Variants in PCDHGB7 observed in about 807,000 individuals in gnomAD.
PCDHGB7 encodes the protein protocadherin gamma subfamily B, 7.
Under a neutral mutation model 61.4 loss-of-function variants are expected in PCDHGB7, and 37 were observed. The observed-to-expected ratio is 0.60, with a 90% CI of 0.46 to 0.79. PCDHGB7 has a LOEUF of 0.79. Ranked by LOEUF, PCDHGB7 falls within the 30% of genes least tolerant of loss-of-function variation. The pLI, the probability that PCDHGB7 is intolerant of heterozygous loss-of-function variation, is 0.00. For missense variants in PCDHGB7, 1,166 were observed against 1,202.5 expected (o/e 0.97, Z 0.45); for synonymous variants, 464 against 503.5 (o/e 0.92, Z 1.05).
chr5:141,457,937 G>A (rs916509260), intron 1 of PCDHGB7, among the ~76,000 whole-genome samples: 1 of 152,166 alleles, frequency 6.6e-6, no homozygotes, highest in African/African-American at 2.4e-5. Flanking sequence ...GGCTTTTATT[G>A]GCTCTGCATG....
intron 2 of PCDHGB7, among the ~76,000 whole-genome samples, chr5:141,501,333 A>ACACACC (rs1186649373): frequency 1.5e-4 from 21 of 140,134 alleles, no homozygotes; most frequent in African/African-American, 3.4e-4. Flanking sequence ...ACACACACAC[A>ACACACC]CCCCAAACTC....
chr5:141,506,584 G>A (rs1413313164), intron 3 of PCDHGB7, among the ~76,000 whole-genome samples: 1 of 152,098 alleles, frequency 6.6e-6, no homozygotes, highest in African/African-American at 2.4e-5. Context: ...ACTATTAATG[G>A]GCACAGTATT....
At chr5:141,483,694 C>T (rs915328297) in intron 1 of PCDHGB7, among the ~76,000 whole-genome samples, 3 of 151,952 alleles carry the variant, frequency 2.0e-5, no homozygotes, top group African/African-American at 4.8e-5. Flanking sequence ...AGCCAGATTC[C>T]TCTTTTTGAC....
chr5:141,427,405 C>T (rs1209638263), intron 1 of PCDHGB7: 1 of 462,180 alleles, frequency 2.2e-6, no homozygotes, highest in East Asian at 6.8e-5. Context: ...GATAAAGATT[C>T]GAGAGAAAAT....
chr5:141,465,761 G>A (rs1040750106), intron 1 of PCDHGB7, among the ~76,000 whole-genome samples: 2 of 151,634 alleles, frequency 1.3e-5, no homozygotes, highest in African/African-American at 4.8e-5. Flanking sequence ...GTAAAGTCAT[G>A]TTTCATCTCT....
intron 1 of PCDHGB7, chr5:141,423,696 T>A: frequency 4.0e-6 from 6 of 1,492,822 alleles, no homozygotes; most frequent in Non-Finnish European, 5.3e-6. Flanking sequence ...ATTGTTGGTG[T>A]CTTGGCACAA....
chr5:141,456,715 A>G (rs2098881350), intron 1 of PCDHGB7, among the ~76,000 whole-genome samples: 1 of 152,204 alleles, frequency 6.6e-6, no homozygotes, highest in South Asian at 2.1e-4. Flanking sequence ...CTGTAATCCC[A>G]GCACTTTGGG....
In PCDHGB7 at chr5:141,428,115, G is replaced by T. The variant is rs753384738; in HGVS notation, c.2415+7841G>T. 5 of 1,607,062 alleles carry T rather than the reference G, an allele frequency of 3.1e-6. No homozygotes were observed. In the South Asian group the frequency reaches 5.5e-5, roughly 18 times the overall value. On this transcript the variant is annotated intron_variant, in intron 1 of 3. Coordinates refer to ENST00000398594, the MANE Select transcript of PCDHGB7 (RefSeq NM_018927.4). ...GTCCTACCACGTGCTGCAGGCCATC[G>T]AGCCCGGGCTTTTCAGCCTGGGGCT...
At chr5:141,430,179 A>G (rs2097264770) in intron 1 of PCDHGB7, among the ~76,000 whole-genome samples, 1 of 152,158 alleles carries the variant, frequency 6.6e-6, no homozygotes, top group Admixed American at 6.5e-5. Flanking sequence ...ATTTTCCCCA[A>G]ATTATAGCTG....
intron 1 of PCDHGB7, among the ~76,000 whole-genome samples, chr5:141,469,186 G>T (rs536021769): frequency 6.6e-6 from 1 of 151,978 alleles, no homozygotes; most frequent in Admixed American, 6.6e-5. Flanking sequence ...TGAGGCAAGA[G>T]GATTGCTTGA....
intron 1 of PCDHGB7, among the ~76,000 whole-genome samples, chr5:141,443,085 G>A (rs991288098): frequency 3.9e-5 from 6 of 151,916 alleles, no homozygotes; most frequent in Admixed American, 2.6e-4. Flanking sequence ...GAGTGTTCCA[G>A]TCTCCTTCTC....
At chr5:141,438,627 TATATATATAC>T (rs572501359) in intron 1 of PCDHGB7, among the ~76,000 whole-genome samples, 778 of 47,938 alleles carry the variant, frequency 0.016, 4 homozygotes, top group East Asian at 0.059. Context: ...TATATATATA[TATATATATAC>T]ACACACACAC....
intron 3 of PCDHGB7, among the ~76,000 whole-genome samples, chr5:141,509,745 T>C (rs1456852988): frequency 6.6e-6 from 1 of 152,186 alleles, no homozygotes; most frequent in East Asian, 1.9e-4. Context: ...TCTGAGCCTG[T>C]GCCTAAAGTG....
At position 141,490,176 on chromosome 5, in the gene PCDHGB7, G is replaced by T. The variant is rs758876319; in HGVS notation, c.2416-4631G>T. On this transcript the variant is annotated intron_variant, in intron 1 of 3. Transcript: ENST00000398594. This position sits in a 1 kb window ranked among gnomAD's most constrained non-coding sequence, Gnocchi z 5.4. ...TGTTGGGTCCCATAGACTTTGAGGAGTCACGTTTCTATGAAATTCATGCAA... is the reference window on the plus strand; with the variant it reads ...TGTTGGGTCCCATAGACTTTGAGGATTCACGTTTCTATGAAATTCATGCAA... 12 of 1,614,100 alleles carry T rather than the reference G, an allele frequency of 7.4e-6. No homozygotes were observed. Among genetic ancestry groups the T allele is most frequent in the Non-Finnish European group, 1.0e-5 (12 of 1,180,046 alleles).
At chr5:141,433,123 C>T (rs575738328) in intron 1 of PCDHGB7, 5 of 1,614,116 alleles carry the variant, frequency 3.1e-6, no homozygotes, top group African/African-American at 2.7e-5. Context: ...TTGAAAAAAG[C>T]GAGCCCCTTT....
At position 141,423,537 on chromosome 5, in the gene PCDHGB7, T is replaced by A. The variant is rs201034039; in HGVS notation, c.2415+3263T>A. 1.4e-4 allele frequency: 225 copies of A among 1,613,694 alleles called. 2 individuals carry two copies. In the South Asian group the frequency reaches 2.3e-3, roughly 16 times the overall value. On this transcript the variant is annotated intron_variant, in intron 1 of 3. Coordinates refer to ENST00000398594, the MANE Select transcript of PCDHGB7 (RefSeq NM_018927.4). ...CGGACTCGCAGAAGAGTCACCTGAT[T>A]TTCCCCCAGCCCAACTATGGGGACA...
At position 141,491,099 on chromosome 5, in the gene PCDHGB7, T is replaced by C. The variant is rs1352561414; in HGVS notation, c.2416-3708T>C. 1 of 1,614,176 alleles carries C rather than the reference T, an allele frequency of 6.2e-7. No homozygotes were observed. ...CAGTCCACAGCCCCAGGACTGTTCC[T>C]CGTGTCTACACACACTGGTGAGGTG... On this transcript the variant is annotated intron_variant, in intron 1 of 3. Coordinates refer to ENST00000398594, the MANE Select transcript of PCDHGB7 (RefSeq NM_018927.4). The surrounding 1 kb of genome is among the most constrained non-coding windows in gnomAD (Gnocchi z 6.9).
intron 1 of PCDHGB7, among the ~76,000 whole-genome samples, chr5:141,467,591 T>C (rs765816743): frequency 3.3e-5 from 5 of 152,360 alleles, no homozygotes; most frequent in South Asian, 4.1e-4. Flanking sequence ...ATGCCATTTA[T>C]TAAGCACTTC....
At chr5:141,502,140 G>A (rs534984161) in intron 2 of PCDHGB7, among the ~76,000 whole-genome samples, 1 of 152,268 alleles carries the variant, frequency 6.6e-6, no homozygotes, top group South Asian at 2.1e-4. Context: ...CAGTCGGGCC[G>A]GAAGTAAGGA....
Sources: allele counts gnomAD v4.1 joint callset (sites outside exome capture counted in the v4.1 genomes callset), GRCh38; gene constraint gnomAD v4.1.1; non-coding constraint Gnocchi (gnomAD v3.1); transcripts MANE v1.5; gene names NCBI Gene and HGNC (gene_info 2026-07-23, HGNC 2026-07-21).